The following GGT1 variants were observed in gnomAD, a reference collection of about 807,000 sequenced individuals.
GGT1 encodes the protein glutathione hydrolase 1 proenzyme.
In GGT1, 21 loss-of-function variants were observed where a neutral mutation model predicts 56.0. The ratio of observed to expected loss-of-function variants is 0.38; its 90% CI spans 0.27 to 0.54. GGT1 has a LOEUF of 0.54. GGT1 is among the 20% of genes least tolerant of loss of function. GGT1 has a pLI of 0.82. For missense variants in GGT1, 466 were observed against 787.0 expected (o/e 0.59, Z 4.88); for synonymous variants, 238 against 342.6 (o/e 0.69, Z 3.37).
intron 5 of GGT1, among the ~76,000 whole-genome samples, chr22:24,611,543 C>CTATCTATCATCTATCT (rs1349743774): frequency 8.4e-6 from 1 of 119,440 alleles, no homozygotes; most frequent in Non-Finnish European, 1.8e-5. Context: ...ATCTATCTAT[C>CTATCTATCATCTATCT]ATCTATCTAT....
At chr22:24,614,398 A>G (rs983621035) in intron 5 of GGT1, among the ~76,000 whole-genome samples, 3 of 147,902 alleles carry the variant, frequency 2.0e-5, no homozygotes, top group Admixed American at 6.8e-5. Flanking sequence ...CAGGCGGATC[A>G]TGAGGTCAAG....
At chr22:24,593,483 T>C (rs1326077306), upstream of GGT1, among the ~76,000 whole-genome samples, 1 of 151,960 alleles carries the variant, frequency 6.6e-6, no homozygotes, top group Non-Finnish European at 1.5e-5. Context: ...TGAATCTCCG[T>C]CTCTACTAAA....
In GGT1 at chr22:24,626,302, C is replaced by T. The variant is rs1289898591; in HGVS notation, c.1021-1130C>T. ...GTGCTGGGATTACAGGCGTGAGCCACCGCGCCCGGTGTTGAAACTCCCTTG... is the reference window on the plus strand; with the variant it reads ...GTGCTGGGATTACAGGCGTGAGCCATCGCGCCCGGTGTTGAAACTCCCTTG... On this transcript the variant is annotated intron_variant, in intron 11 of 15. Transcript: ENST00000400382. 1.4e-5 allele frequency among the ~76,000 whole-genome samples: 2 copies of T among 140,544 alleles called. 1 individual carries two copies. Among genetic ancestry groups the T allele is most frequent in the African/African-American group, 5.7e-5 (2 of 35,102 alleles). The allele number at this position is 140,544 out of a possible 152,430, so 92.2% of individuals were successfully genotyped here.
chr22:24,592,649 C>A, upstream of GGT1: 1 of 764,290 alleles, frequency 1.3e-6, no homozygotes, highest in Non-Finnish European at 1.9e-6. Context: ...CTCACCCAGC[C>A]CTCACTCCAG....
At chr22:24,615,423 C>T (rs4049862) in intron 7 of GGT1, among the ~76,000 whole-genome samples, 145 of 152,216 alleles carry the variant, frequency 9.5e-4, no homozygotes, top group South Asian at 3.1e-3. Flanking sequence ...CTGGGGCCCA[C>T]ACTCTGCTCT....
At chr22:24,592,815 A>AGACCCTCC, upstream of GGT1, 3 of 1,261,818 alleles carry the variant, frequency 2.4e-6, no homozygotes, top group Non-Finnish European at 3.0e-6. Context: ...CCAGACCCCC[A>AGACCCTCC]GACCCTCCCT....
intron 5 of GGT1, among the ~76,000 whole-genome samples, chr22:24,611,765 C>T (rs1285556181): frequency 6.8e-6 from 1 of 146,408 alleles, no homozygotes; most frequent in African/African-American, 2.5e-5. Flanking sequence ...CCACCACGCC[C>T]AACAAATTTG....
chr22:24,604,703 G>C (rs552826445), intron 1 of GGT1, among the ~76,000 whole-genome samples: 9 of 152,012 alleles, frequency 5.9e-5, no homozygotes, highest in African/African-American at 1.9e-4. Flanking sequence ...CTTCCCCCTA[G>C]GTGCCCTCTC....
chr22:24,589,764 G>T, the GGT1 span: 1 of 1,517,656 alleles, frequency 6.6e-7, no homozygotes, highest in Non-Finnish European at 8.7e-7. Flanking sequence ...CCTGGGCTCT[G>T]TTGGCCCCCC....
intron 1 of GGT1, among the ~76,000 whole-genome samples, chr22:24,597,129 C>A (rs1168354646): frequency 1.3e-5 from 2 of 151,672 alleles, no homozygotes; most frequent in Non-Finnish European, 1.5e-5. Context: ...ATTACAGGTG[C>A]CCGCCACCAC....
intron 11 of GGT1, among the ~76,000 whole-genome samples, chr22:24,625,792 G>A (rs1485453291): frequency 1.3e-5 from 2 of 151,340 alleles, no homozygotes; most frequent in Non-Finnish European, 1.5e-5. Context: ...GCCTCCCAAA[G>A]TGCTGGGATT....
intron 11 of GGT1, chr22:24,624,156 A>G (rs1401201667): frequency 1.0e-6 from 1 of 985,222 alleles, no homozygotes; most frequent in African/African-American, 1.7e-5. Flanking sequence ...GGTCCTTTGC[A>G]CATGCTGTGG....
upstream of GGT1, among the ~76,000 whole-genome samples, chr22:24,594,417 G>T (rs1348829420): frequency 6.6e-6 from 1 of 151,598 alleles, no homozygotes; most frequent in Non-Finnish European, 1.5e-5. Flanking sequence ...GTGTGTGTGT[G>T]TGTGTGTGTC....
upstream of GGT1, among the ~76,000 whole-genome samples, chr22:24,598,579 T>C (rs577209933): frequency 6.6e-5 from 10 of 151,842 alleles, no homozygotes; most frequent in Admixed American, 6.6e-4. Context: ...GATGAGTTGG[T>C]TTTTTTTGTT....
intron 1 of GGT1, among the ~76,000 whole-genome samples, chr22:24,606,341 A>G (rs1013410004): frequency 3.3e-5 from 5 of 151,490 alleles, no homozygotes; most frequent in Non-Finnish European, 7.4e-5. Flanking sequence ...CCTGTGTCCA[A>G]GTGTTCTCAT....
chr22:24,593,424 C>T (rs1220110893), upstream of GGT1, among the ~76,000 whole-genome samples: 1 of 152,012 alleles, frequency 6.6e-6, no homozygotes, highest in East Asian at 1.9e-4. Flanking sequence ...GCTGTGTGTG[C>T]CAGTGTTAGG....
chr22:24,615,236 C>G, intron 7 of GGT1, 109 bp downstream of exon 7: 1 of 724,974 alleles, frequency 1.4e-6, no homozygotes, highest in African/African-American at 1.7e-5. Flanking sequence ...GCAGTTCTGT[C>G]ACCCCCCATC....
Position 24,620,018 on chromosome 22 carries a change from A to C in GGT1, c.383-310A>C, listed in dbSNP as rs1367082975. Reference sequence around the variant, plus strand: ...AAAAAAAATTAAACATCCCCTCCTAAAAAAAAACAATTAAAATTAAAAAAT... The same window carrying C: ...AAAAAAAATTAAACATCCCCTCCTACAAAAAAACAATTAAAATTAAAAAAT... On this transcript the variant is annotated intron_variant, in intron 7 of 15. Coordinates refer to ENST00000400382, the MANE Select transcript of GGT1 (RefSeq NM_001288833.2). The surrounding 1 kb of genome is among the most constrained non-coding windows in gnomAD (Gnocchi z 5.6). Among the ~76,000 whole-genome samples the C allele has an allele frequency of 7.8e-6, 1 of 128,834 alleles. No homozygotes were observed. Among genetic ancestry groups the C allele is most frequent in the African/African-American group, 3.1e-5 (1 of 32,676 alleles). 84.5% of individuals were successfully genotyped at this position (128,834 alleles called of 152,430 possible).
At chr22:24,588,354 G>C in the GGT1 span, 1 of 1,571,922 alleles carries the variant, frequency 6.4e-7, no homozygotes, top group East Asian at 2.2e-5. Flanking sequence ...TGTCACCATG[G>C]TGAATCTGAG....
Sources: gnomAD v4.1 joint callset for allele counts (sites outside exome capture counted in the v4.1 genomes callset) on GRCh38, gnomAD v4.1.1 for gene constraint, Gnocchi (gnomAD v3.1) non-coding constraint, MANE v1.5 for transcripts, NCBI Gene and HGNC (gene_info 2026-07-23, HGNC 2026-07-21) for gene names.